Variants in MARCHF1 observed in about 807,000 individuals in gnomAD.
MARCHF1 encodes the protein E3 ubiquitin-protein ligase MARCHF1.
In MARCHF1, 40 loss-of-function variants were observed where a neutral mutation model predicts 54.2. That is an observed-to-expected ratio of 0.74 (90% confidence interval 0.57 to 0.96). The LOEUF is 0.96. MARCHF1 is among the 40% of genes least tolerant of loss of function. The pLI, the probability that MARCHF1 is intolerant of heterozygous loss-of-function variation, is 0.00. For missense variants in MARCHF1, 586 were observed against 656.5 expected (o/e 0.89, Z 1.17); for synonymous variants, 236 against 236.3 (o/e 1.00, Z 0.01).
chr4:164,137,640 A>G (rs1756430577), intron 1 of MARCHF1, among the ~76,000 whole-genome samples: 1 of 152,188 alleles, frequency 6.6e-6, no homozygotes, highest in South Asian at 2.1e-4. Context: ...TCCTAATAAA[A>G]CATGTCATAT....
At chr4:164,171,006 G>T (rs1730510722) in intron 1 of MARCHF1, among the ~76,000 whole-genome samples, 1 of 151,850 alleles carries the variant, frequency 6.6e-6, no homozygotes, top group African/African-American at 2.4e-5. Context: ...AGTTATTGTT[G>T]GTTACTTATG....
chr4:163,894,096 T>C (rs989622760), intron 3 of MARCHF1, among the ~76,000 whole-genome samples: 3 of 152,190 alleles, frequency 2.0e-5, no homozygotes, highest in Non-Finnish European at 4.4e-5. Context: ...AAAATGATGA[T>C]TCAGAATTAC....
Position 164,081,688 on chromosome 4 carries a change from A to G in MARCHF1, c.-248+29900T>C, listed in dbSNP as rs188869793. ...ACTTGGTTTGGGAATTATGGGGAAAACATGCACATGTGCATGCATATACAC... is the reference window on the plus strand; with the variant it reads ...ACTTGGTTTGGGAATTATGGGGAAAGCATGCACATGTGCATGCATATACAC... On this transcript the variant is annotated intron_variant, in intron 2 of 9. Transcript: ENST00000514618. 1.7e-3 allele frequency among the ~76,000 whole-genome samples: 252 copies of G among 152,188 alleles called. 1 individual carries two copies. Among genetic ancestry groups the G allele is most frequent in the Admixed American group, 2.9e-3 (45 of 15,278 alleles).
intron 8 of MARCHF1, among the ~76,000 whole-genome samples, chr4:163,553,452 T>C (rs1739180649): frequency 6.6e-6 from 1 of 152,222 alleles, no homozygotes; most frequent in Non-Finnish European, 1.5e-5. Flanking sequence ...TTTTTCGGAA[T>C]ACTGAGTCTC....
rs192921209 is a variant in MARCHF1 at position 163,834,586 on chromosome 4, A to G, written c.111+19435T>C. Among the ~76,000 whole-genome samples, 463 of 145,328 alleles carry G rather than the reference A, an allele frequency of 3.2e-3. 4 individuals carry two copies. Among genetic ancestry groups the G allele is most frequent in the African/African-American group, 0.011 (430 of 39,800 alleles). On this transcript the variant is annotated intron_variant, in intron 4 of 9. Transcript: ENST00000514618. The stretch of plus-strand genomic sequence containing the variant: ...CATCTAGCATTAGGTATATCTCCCA[A>G]TGCTATCCCTCCCCCCTCCCCCCAC...
chr4:163,881,255 A>T (rs1750409301), intron 3 of MARCHF1, among the ~76,000 whole-genome samples: 1 of 152,124 alleles, frequency 6.6e-6, no homozygotes, highest in African/African-American at 2.4e-5. Context: ...CGGGCGGATT[A>T]TCTGAGTTTA....
At chr4:163,894,444 A>T (rs77299282) in intron 3 of MARCHF1, among the ~76,000 whole-genome samples, 23,548 of 151,460 alleles carry the variant, frequency 0.16, 1,987 homozygotes, top group Non-Finnish European at 0.18. Flanking sequence ...TGAATGAAAG[A>T]TTAATAAAGA....
intron 2 of MARCHF1, among the ~76,000 whole-genome samples, chr4:164,106,182 T>A (rs1346002651): frequency 4.5e-4 from 61 of 136,942 alleles, no homozygotes; most frequent in African/African-American, 6.6e-4. Flanking sequence ...TGTAAACTAG[T>A]TCAACCATTG....
intron 4 of MARCHF1, among the ~76,000 whole-genome samples, chr4:163,820,212 A>G (rs1748653303): frequency 6.6e-6 from 1 of 152,040 alleles, no homozygotes; most frequent in African/African-American, 2.4e-5. Context: ...CGAATCCAAT[A>G]CATATTTTTT....
At chr4:163,666,140 T>C (rs548247439) in intron 5 of MARCHF1, among the ~76,000 whole-genome samples, 4 of 152,256 alleles carry the variant, frequency 2.6e-5, no homozygotes, top group Admixed American at 2.6e-4. Context: ...ATTGCTTCTG[T>C]CTAGTTTTAA....
intron 5 of MARCHF1, among the ~76,000 whole-genome samples, chr4:163,639,926 CT>C (rs1476392727): frequency 6.6e-6 from 1 of 152,078 alleles, no homozygotes; most frequent in Non-Finnish European, 1.5e-5. Context: ...TTTAGGAATT[CT>C]TATGGCATGT....
At chr4:163,639,710 A>C (rs533720409) in intron 5 of MARCHF1, among the ~76,000 whole-genome samples, 4 of 152,250 alleles carry the variant, frequency 2.6e-5, no homozygotes, top group Non-Finnish European at 5.9e-5. Flanking sequence ...TTTCAGACAG[A>C]GTATACTAAG....
chr4:164,107,844 T>G (rs1313530355), intron 2 of MARCHF1, among the ~76,000 whole-genome samples: 1 of 152,038 alleles, frequency 6.6e-6, no homozygotes, highest in African/African-American at 2.4e-5. Context: ...GGTTTGAGAT[T>G]AAAAGTTGGA....
In MARCHF1 at chr4:163,776,024, T is replaced by C. The variant is rs182369944; in HGVS notation, c.112-75161A>G. On this transcript the variant is annotated intron_variant, in intron 4 of 9. Transcript: ENST00000514618. ...TAGGCTATATTTCTGACAAGAAGATTCTGATAGACCATGGATTTGAAATCC... is the reference window on the plus strand; with the variant it reads ...TAGGCTATATTTCTGACAAGAAGATCCTGATAGACCATGGATTTGAAATCC... Among the ~76,000 whole-genome samples, 86 of 152,284 alleles carry C rather than the reference T, an allele frequency of 5.6e-4. 2 individuals carry two copies. Among genetic ancestry groups the C allele is most frequent in the Middle Eastern group, 6.8e-3 (2 of 294 alleles).
Position 164,012,919 on chromosome 4 carries a change from G to T in MARCHF1, c.-247-24210C>A, listed in dbSNP as rs187232259. ...GGAATTTGTAAAAAGCCCTCTCAAG[G>T]GTGCATATAAACAAGCCCAGACTGT... On this transcript the variant is annotated intron_variant, in intron 2 of 9. Transcript: ENST00000514618. Among the ~76,000 whole-genome samples, 8 of 152,120 alleles carry T rather than the reference G, an allele frequency of 5.3e-5. No individual in the cohort carries two copies. The East Asian group carries it at 1.5e-3, about 29-fold the overall frequency.
At chr4:164,013,298 C>T (rs1424644655) in intron 2 of MARCHF1, among the ~76,000 whole-genome samples, 1 of 151,090 alleles carries the variant, frequency 6.6e-6, no homozygotes, top group East Asian at 1.9e-4. Flanking sequence ...ACTGATCAAG[C>T]AAGAAAGAAT....
At chr4:164,295,212 T>C (rs1734379598) in intron 1 of MARCHF1, among the ~76,000 whole-genome samples, 1 of 152,214 alleles carries the variant, frequency 6.6e-6, no homozygotes, top group Non-Finnish European at 1.5e-5. Context: ...TCTGTTTGTG[T>C]ACAATTCTCT....
At chr4:163,545,961 G>GTGTGTT (rs1030166878) in intron 8 of MARCHF1, among the ~76,000 whole-genome samples, 1 of 151,076 alleles carries the variant, frequency 6.6e-6, no homozygotes, top group African/African-American at 2.4e-5. Flanking sequence ...GTGTGTGTGT[G>GTGTGTT]TGTGTGTGTG....
chr4:163,640,071 G>T (rs529952106), intron 5 of MARCHF1, among the ~76,000 whole-genome samples: 11 of 152,110 alleles, frequency 7.2e-5, no homozygotes, highest in Non-Finnish European at 1.6e-4. Context: ...TTTGGGTTGA[G>T]ATAGGACTTA....
Sources: allele counts gnomAD v4.1 joint callset (sites outside exome capture counted in the v4.1 genomes callset), GRCh38; gene constraint gnomAD v4.1.1; transcripts MANE v1.5; gene names NCBI Gene and HGNC (gene_info 2026-07-23, HGNC 2026-07-21).